GRIA4: variants seen among roughly 807,000 people sequenced by gnomAD.
The protein encoded by GRIA4 is glutamate ionotropic receptor AMPA type subunit 4.
GRIA4 carries 34 observed loss-of-function variants against 104.0 expected under a neutral mutation model. The ratio of observed to expected loss-of-function variants is 0.33; its 90% CI spans 0.25 to 0.44. The LOEUF (loss-of-function observed/expected upper bound fraction) is 0.44. Ranked by LOEUF, GRIA4 falls within the 20% of genes least tolerant of loss-of-function variation. The pLI is 1.00. For missense variants in GRIA4, 750 were observed against 1,096.5 expected (o/e 0.68, Z 4.46); for synonymous variants, 386 against 381.9 (o/e 1.01, Z -0.13).
intron 3 of GRIA4, among the ~76,000 whole-genome samples, chr11:105,619,325 T>A (rs1450869615): frequency 6.6e-6 from 1 of 152,006 alleles, no homozygotes; most frequent in Non-Finnish European, 1.5e-5. Context: ...GAAAATAATT[T>A]GGAAAATATT....
intron 3 of GRIA4, among the ~76,000 whole-genome samples, chr11:105,742,028 CTTG>C (rs1272183426): frequency 6.6e-6 from 1 of 151,990 alleles, no homozygotes; most frequent in Admixed American, 6.6e-5. Context: ...ATTCACTTTG[CTTG>C]TTGTGTTATT....
At chr11:105,880,079 G>T (rs991023768) in intron 5 of GRIA4, among the ~76,000 whole-genome samples, 18 of 151,962 alleles carry the variant, frequency 1.2e-4, no homozygotes, top group African/African-American at 4.4e-4. Flanking sequence ...TATTTATATT[G>T]TTTCTTACAA....
chr11:105,796,417 C>T (rs1942481715), intron 4 of GRIA4, among the ~76,000 whole-genome samples: 1 of 152,104 alleles, frequency 6.6e-6, no homozygotes, highest in Non-Finnish European at 1.5e-5. Context: ...TGTGAGCTGG[C>T]CTCTCAGAGC....
intron 3 of GRIA4, among the ~76,000 whole-genome samples, chr11:105,655,102 G>A (rs1813140849): frequency 6.6e-6 from 1 of 151,984 alleles, no homozygotes; most frequent in Admixed American, 6.6e-5. Context: ...AATTCTCCAG[G>A]TAATCTGTCC....
chr11:105,805,478 G>GAAAAAAAAAAAAAAAAAAAAAAAAAAA (rs57123559), intron 4 of GRIA4, among the ~76,000 whole-genome samples: 10 of 92,498 alleles, frequency 1.1e-4, no homozygotes, highest in African/African-American at 4.1e-4. Context: ...AAGAAATCAG[G>GAAAAAAAAAAAAAAAAAAAAAAAAAAA]AAAAAAAAAA....
At chr11:105,639,498 A>C (rs1043117940) in intron 3 of GRIA4, among the ~76,000 whole-genome samples, 8 of 151,974 alleles carry the variant, frequency 5.3e-5, no homozygotes, top group African/African-American at 1.9e-4. Context: ...AATAGAAATA[A>C]TATTAAATGA....
At chr11:105,797,780 T>C (rs1485794629) in intron 4 of GRIA4, 1 of 455,454 alleles carries the variant, frequency 2.2e-6, no homozygotes, top group African/African-American at 2.0e-5. Flanking sequence ...AGTTCTGTTG[T>C]TCACTCTTGG....
chr11:105,944,542 T>C (rs1948258670), intron 14 of GRIA4, among the ~76,000 whole-genome samples: 2 of 151,296 alleles, frequency 1.3e-5, no homozygotes, highest in South Asian at 4.2e-4. Flanking sequence ...AGAGATAAAG[T>C]AATTCAAATA....
chr11:105,958,242 G>C (rs1178667472), intron 14 of GRIA4, among the ~76,000 whole-genome samples: 1 of 152,166 alleles, frequency 6.6e-6, no homozygotes, highest in Non-Finnish European at 1.5e-5. Context: ...GATATTGGCT[G>C]TGAGTTTGTC....
At chr11:105,644,329 G>A (rs548346333) in intron 3 of GRIA4, among the ~76,000 whole-genome samples, 7 of 151,840 alleles carry the variant, frequency 4.6e-5, no homozygotes, top group East Asian at 1.9e-4. Flanking sequence ...CCTTTGGCTC[G>A]CGCCTGTAAT....
intron 14 of GRIA4, among the ~76,000 whole-genome samples, chr11:105,949,793 A>G (rs1257227062): frequency 1.3e-5 from 2 of 152,222 alleles, no homozygotes; most frequent in African/African-American, 4.8e-5. Flanking sequence ...TGAATAAAAT[A>G]TAGTTAGGAC....
At chr11:105,817,492 T>A (rs1943424491) in intron 4 of GRIA4, among the ~76,000 whole-genome samples, 1 of 151,668 alleles carries the variant, frequency 6.6e-6, no homozygotes, top group East Asian at 1.9e-4. Flanking sequence ...GTTTTTAAAT[T>A]TTTTTTTCTA....
At chr11:105,791,135 TC>T (rs1942196543) in intron 4 of GRIA4, among the ~76,000 whole-genome samples, 1 of 152,014 alleles carries the variant, frequency 6.6e-6, no homozygotes, top group South Asian at 2.1e-4. Flanking sequence ...TTTGCTTTTT[TC>T]CCCCTAAATT....
intron 4 of GRIA4, among the ~76,000 whole-genome samples, chr11:105,825,212 T>C (rs955698251): frequency 2.0e-5 from 3 of 152,040 alleles, no homozygotes; most frequent in Non-Finnish European, 1.5e-5. Context: ...AGCCTTGAGT[T>C]CTGCCCACTG....
chr11:105,850,104 A>C (rs923908378), intron 4 of GRIA4, among the ~76,000 whole-genome samples: 1 of 152,178 alleles, frequency 6.6e-6, no homozygotes. Flanking sequence ...ACACGGTACC[A>C]TTGTGAAAAA....
intron 14 of GRIA4, among the ~76,000 whole-genome samples, chr11:105,937,575 G>A (rs562397741): frequency 1.3e-5 from 2 of 152,206 alleles, no homozygotes; most frequent in East Asian, 3.9e-4. Flanking sequence ...AAAGCAGTGA[G>A]TCATATCTGA....
At chr11:105,741,713 C>T (rs1939320415) in intron 3 of GRIA4, among the ~76,000 whole-genome samples, 3 of 152,138 alleles carry the variant, frequency 2.0e-5, no homozygotes, top group Non-Finnish European at 1.5e-5. Flanking sequence ...TCCCAATTCA[C>T]ATTTTGAGGT....
chr11:105,942,621 AG>A, intron 14 of GRIA4, among the ~76,000 whole-genome samples: 1 of 152,200 alleles, frequency 6.6e-6, no homozygotes, highest in Admixed American at 6.5e-5. Flanking sequence ...GGTGCTCTTA[AG>A]GGAAGAGAAC....
chr11:105,739,081 A>G (rs181093330), intron 3 of GRIA4, among the ~76,000 whole-genome samples: 78 of 152,188 alleles, frequency 5.1e-4, no homozygotes, highest in African/African-American at 1.8e-3. Context: ...ACGGATTAGT[A>G]GTATAAAAGA....
Sources: gnomAD v4.1 joint callset for allele counts (sites outside exome capture counted in the v4.1 genomes callset) on GRCh38, gnomAD v4.1.1 for gene constraint, MANE v1.5 for transcripts, NCBI Gene and HGNC (gene_info 2026-07-23, HGNC 2026-07-21) for gene names.